LEPR: variants seen among roughly 807,000 people sequenced by gnomAD.
LEPR encodes OB receptor.
In LEPR, 56 loss-of-function variants were observed where a neutral mutation model predicts 114.7. That is an observed-to-expected ratio of 0.49 (90% CI 0.39 to 0.61). The LOEUF is 0.61. LEPR is among the 20% of genes least tolerant of loss of function. The pLI is 0.00. For synonymous variants in LEPR, 443 were observed against 461.4 expected, an observed-to-expected ratio of 0.96 and a Z score of 0.51; for missense variants, 1,202 against 1,352.9, an observed-to-expected ratio of 0.89 and a Z score of 1.75.
intron 2 of LEPR, among the ~76,000 whole-genome samples, chr1:65,490,624 A>G (rs1169047209): frequency 6.6e-6 from 1 of 152,184 alleles, no homozygotes; most frequent in Non-Finnish European, 1.5e-5. Flanking sequence ...GATATTAGAA[A>G]TGACAGCTTT....
intron 2 of LEPR, among the ~76,000 whole-genome samples, chr1:65,538,940 G>C (rs762677141): frequency 5.3e-5 from 8 of 150,656 alleles, no homozygotes; most frequent in East Asian, 3.9e-4. Flanking sequence ...AAATTTTCTT[G>C]TATTTTTTTT....
intron 5 of LEPR, among the ~76,000 whole-genome samples, chr1:65,573,611 TTCTC>T (rs1654365121): frequency 6.6e-6 from 1 of 152,208 alleles, no homozygotes; most frequent in Admixed American, 6.5e-5. Context: ...TTAAAATTCT[TTCTC>T]ATTAATTCTT....
At chr1:65,490,786 G>T (rs1479800298) in intron 2 of LEPR, among the ~76,000 whole-genome samples, 1 of 152,128 alleles carries the variant, frequency 6.6e-6, no homozygotes, top group Admixed American at 6.6e-5. Context: ...GGCCTTTGAA[G>T]CTGCAGTGCT....
At chr1:65,606,947 G>GACTTTACATT (rs1656852883) in intron 11 of LEPR, among the ~76,000 whole-genome samples, 1 of 152,082 alleles carries the variant, frequency 6.6e-6, no homozygotes, top group African/African-American at 2.4e-5. Context: ...CATATGAAAG[G>GACTTTACATT]GAGACTATAC....
chr1:65,573,086 G>A (rs765230993), intron 5 of LEPR, among the ~76,000 whole-genome samples: 5 of 152,314 alleles, frequency 3.3e-5, no homozygotes, highest in Non-Finnish European at 4.4e-5. Context: ...GTACAAGAGC[G>A]CCTGTACAAG....
chr1:65,548,754 C>G (rs1456972033), intron 2 of LEPR, among the ~76,000 whole-genome samples: 2 of 151,680 alleles, frequency 1.3e-5, no homozygotes, highest in Non-Finnish European at 3.0e-5. Flanking sequence ...GGTCTTGACT[C>G]TTTATCCAAT....
Position 65,623,124 on chromosome 1 carries a change from T to G in LEPR, c.2673+143T>G, listed in dbSNP as rs1481125097. 3.7e-6 allele frequency: 3 copies of G among 819,446 alleles called. No individual in the cohort carries two copies. In the African/African-American group the frequency reaches 5.2e-5, roughly 14 times the overall value. 50.8% of individuals were successfully genotyped at this position (819,446 alleles called of 1,614,324 possible). A position where few individuals can be genotyped will look rare whatever the true frequency, so the allele number is the denominator to read the frequency against. ...CTTAATATATCTGTTATTATATACT[T>G]TCAAGAATAGCAGGATGCAGGGATT... On this transcript the variant is annotated intron_variant, in intron 19 of 19. Coordinates refer to ENST00000349533, the MANE Select transcript of LEPR (RefSeq NM_002303.6).
Position 65,425,395 on chromosome 1 carries a change from A to C in LEPR, c.-21+17A>C, listed in dbSNP as rs1646340936. 2 of 1,582,434 alleles carry C rather than the reference A, an allele frequency of 1.3e-6. No individual in the cohort carries two copies. The highest frequency in any genetic ancestry group is 2.3e-5 in the South Asian group (2 of 86,466). The stretch of plus-strand genomic sequence containing the variant: ...GGATTATGGGTAAGTTATCATTTCA[A>C]AAAGAACTATTCCTCTTTCTGTGTC... On this transcript the variant is annotated intron_variant, in intron 2 of 19. Coordinates refer to ENST00000349533, the MANE Select transcript of LEPR (RefSeq NM_002303.6).
At chr1:65,610,811 C>A (rs2100971480) in intron 14 of LEPR, among the ~76,000 whole-genome samples, 1 of 152,302 alleles carries the variant, frequency 6.6e-6, no homozygotes, top group Admixed American at 6.5e-5. Context: ...GAACTGATTT[C>A]TATTTCAAGT....
Position 65,549,507 on chromosome 1 carries a change from C to T in LEPR, c.-20-16039C>T, listed in dbSNP as rs1377919762. On this transcript the variant is annotated intron_variant, in intron 2 of 19. Coordinates refer to ENST00000349533, the MANE Select transcript of LEPR (RefSeq NM_002303.6). Reference sequence around the variant, plus strand: ...TCCCATATTTCTTGGAGGCTTTGTTCGTTTCTTTTTATTCTTTTTTCTCTA... The same window carrying T: ...TCCCATATTTCTTGGAGGCTTTGTTTGTTTCTTTTTATTCTTTTTTCTCTA... Among the ~76,000 whole-genome samples, 11 of 151,998 alleles carry T rather than the reference C, an allele frequency of 7.2e-5. No homozygotes were observed. In the East Asian group the frequency reaches 1.3e-3, roughly 19 times the overall value.
At chr1:65,480,409 G>A (rs1022507860) in intron 2 of LEPR, among the ~76,000 whole-genome samples, 2 of 152,144 alleles carry the variant, frequency 1.3e-5, no homozygotes, top group African/African-American at 4.8e-5. Flanking sequence ...GGAGACAGAT[G>A]TATCCAGTAA....
chr1:65,491,415 CT>C (rs1405525568), intron 2 of LEPR, among the ~76,000 whole-genome samples: 2 of 152,078 alleles, frequency 1.3e-5, no homozygotes, highest in African/African-American at 4.8e-5. Flanking sequence ...ATCTAACGAG[CT>C]TATGTTACCC....
intron 5 of LEPR, among the ~76,000 whole-genome samples, chr1:65,575,954 C>G (rs1036878976): frequency 6.6e-6 from 1 of 151,464 alleles, no homozygotes; most frequent in Admixed American, 6.6e-5. Flanking sequence ...TGCTGTGTTA[C>G]CTCTGTTAAC....
chr1:65,469,983 TA>T (rs1217219987), intron 2 of LEPR, among the ~76,000 whole-genome samples: 1 of 152,176 alleles, frequency 6.6e-6, no homozygotes, highest in African/African-American at 2.4e-5. Flanking sequence ...GGAAGCCTTC[TA>T]AAGCGTGGCA....
chr1:65,635,752 T>C (rs1000337381), intron 19 of LEPR, among the ~76,000 whole-genome samples: 1 of 152,176 alleles, frequency 6.6e-6, no homozygotes, highest in Non-Finnish European at 1.5e-5. Flanking sequence ...CTAACATTTT[T>C]AGTTTATGGG....
chr1:65,568,249 C>A (rs1447005563), intron 3 of LEPR, among the ~76,000 whole-genome samples: 1 of 151,592 alleles, frequency 6.6e-6, no homozygotes, highest in African/African-American at 2.4e-5. Context: ...TTTTTTTCCT[C>A]TTTAAATTTT....
In LEPR at chr1:65,421,389, C is replaced by T. The variant is rs113792621; in HGVS notation, c.-97+649C>T. The T allele has an allele frequency of 7.6e-5, 116 of 1,535,960 alleles. 1 individual carries two copies. In the African/African-American group the frequency reaches 1.2e-3, roughly 15 times the overall value. On this transcript the variant is annotated intron_variant, in intron 1 of 19. Coordinates refer to ENST00000349533, the MANE Select transcript of LEPR (RefSeq NM_002303.6). ...CATGGGGCAGTTGGTAAAAACACCG[C>T]GTCCCTTATCTGTATGGCTTCAGAG...
chr1:65,518,917 C>CTTTCTTTCTT lies in LEPR; in HGVS notation c.-20-46628_-20-46627insTTCTTTCTTT, dbSNP rs752472210. Among the ~76,000 whole-genome samples, 409 of 75,720 alleles carry CTTTCTTTCTT rather than the reference C, an allele frequency of 5.4e-3. 2 individuals are homozygous for CTTTCTTTCTT. The highest frequency in any genetic ancestry group is 8.9e-3 in the Non-Finnish European group (266 of 29,894). The allele number at this position is 75,720 out of a possible 152,430, so 49.7% of individuals were successfully genotyped here. A position where few individuals can be genotyped will look rare whatever the true frequency, so the allele number is the denominator to read the frequency against. On this transcript the variant is annotated intron_variant, in intron 2 of 19. Coordinates refer to ENST00000349533, the MANE Select transcript of LEPR (RefSeq NM_002303.6). The stretch of plus-strand genomic sequence containing the variant: ...TCTTTCTTTCTTTCTTTCTTTCTTT[C>CTTTCTTTCTT]TCTCTTTCTCTGTTTCTTTCTTTCT...
intron 2 of LEPR, among the ~76,000 whole-genome samples, chr1:65,524,719 T>C (rs1649813686): frequency 6.6e-6 from 1 of 152,194 alleles, no homozygotes; most frequent in Admixed American, 6.5e-5. Flanking sequence ...TCCACTACGC[T>C]TCATTCTTTC....
Sources: allele counts gnomAD v4.1 joint callset (sites outside exome capture counted in the v4.1 genomes callset), GRCh38; gene constraint gnomAD v4.1.1; transcripts MANE v1.5; gene names NCBI Gene and HGNC (gene_info 2026-07-23, HGNC 2026-07-21).